GLI3: variants seen among roughly 807,000 people sequenced by gnomAD.
GLI3 encodes GLI family zinc finger 3.
GLI3 carries 20 observed loss-of-function variants against 100.8 expected under a neutral mutation model. That is an observed-to-expected ratio of 0.20 (90% confidence interval 0.14 to 0.29). The LOEUF (loss-of-function observed/expected upper bound fraction) is 0.29, where lower values mean the gene tolerates loss of function less well. Ranked by LOEUF, GLI3 falls within the 10% of genes least tolerant of loss-of-function variation. The probability of loss-of-function intolerance (pLI) is 1.00; values close to 1 mark genes in which losing one functional copy is unlikely to be tolerated. For missense variants in GLI3, 2,040 were observed against 2,128.5 expected, an observed-to-expected ratio of 0.96 and a Z score of 0.82; for synonymous variants, 938 against 860.5, an observed-to-expected ratio of 1.09 and a Z score of -1.58.
At chr7:41,971,090 C>T (rs1481855517) in intron 13 of GLI3, among the ~76,000 whole-genome samples, 2 of 152,144 alleles carry the variant, frequency 1.3e-5, no homozygotes, top group African/African-American at 4.8e-5. Context: ...CTCTCTAAGA[C>T]TCTTAAGAAT....
At chr7:42,240,328 G>A (rs1426380738), upstream of GLI3, among the ~76,000 whole-genome samples, 1 of 152,186 alleles carries the variant, frequency 6.6e-6, no homozygotes, top group Non-Finnish European at 1.5e-5. Context: ...CAGTGAAGTA[G>A]GAGATACTTG....
At chr7:42,263,546 A>G (rs1488607068) in intron 1 of GLI3, among the ~76,000 whole-genome samples, 1 of 151,900 alleles carries the variant, frequency 6.6e-6, no homozygotes, top group Non-Finnish European at 1.5e-5. Context: ...TCACATGTTC[A>G]AGCAATTCTC....
intron 10 of GLI3, among the ~76,000 whole-genome samples, chr7:41,981,876 T>A (rs1262525651): frequency 2.6e-5 from 4 of 152,194 alleles, no homozygotes; most frequent in Non-Finnish European, 5.9e-5. Context: ...CATTTCCTAT[T>A]TATACCGCAC....
At chr7:42,182,660 A>ATATATATATATACACATGTGTG (rs1554337052) in intron 2 of GLI3, among the ~76,000 whole-genome samples, 37 of 59,100 alleles carry the variant, frequency 6.3e-4, no homozygotes, top group African/African-American at 3.4e-3. Flanking sequence ...ATATATATAT[A>ATATATATATATACACATGTGTG]TATATATATA....
chr7:41,966,671 G>C lies in GLI3; in HGVS notation c.2432-30C>G. 6.2e-7 allele frequency: 1 copy of C among 1,611,924 alleles called. No homozygotes were observed. Among genetic ancestry groups the C allele is most frequent in the Non-Finnish European group, 8.5e-7 (1 of 1,178,586 alleles). On this transcript the variant is annotated intron_variant, in intron 14 of 14. Coordinates refer to ENST00000395925, the MANE Select transcript of GLI3 (RefSeq NM_000168.6). The surrounding 1 kb of genome is among the most constrained non-coding windows in gnomAD (Gnocchi z 5.8). ...AGACAGAGAAAGGGAGAGACCATGC[G>C]GAGATGAATTCCCTTCGAGCATGAC...
At chr7:42,232,684 T>C (rs984401735) in intron 1 of GLI3, among the ~76,000 whole-genome samples, 2 of 152,232 alleles carry the variant, frequency 1.3e-5, no homozygotes, top group Non-Finnish European at 2.9e-5. Context: ...CTATGCAAAA[T>C]GCAGAAGTGC....
At chr7:42,233,980 A>G (rs1424474419) in intron 1 of GLI3, among the ~76,000 whole-genome samples, 1 of 152,182 alleles carries the variant, frequency 6.6e-6, no homozygotes, top group African/African-American at 2.4e-5. Context: ...TCCAAAACAA[A>G]TCAGACCGAC....
intron 3 of GLI3, among the ~76,000 whole-genome samples, chr7:42,080,952 C>T (rs1035843032): frequency 1.1e-4 from 17 of 152,174 alleles, no homozygotes; most frequent in African/African-American, 3.6e-4. Flanking sequence ...CGCATCATAA[C>T]TCAAGCGTAT....
At chr7:42,101,837 T>TCCCCCCCC (rs538820301) in intron 3 of GLI3, among the ~76,000 whole-genome samples, 1 of 99,712 alleles carries the variant, frequency 1.0e-5, no homozygotes, top group African/African-American at 5.4e-5. Context: ...CCCTCCACCC[T>TCCCCCCCC]CTCCCACCCC....
intron 1 of GLI3, among the ~76,000 whole-genome samples, chr7:42,234,611 A>G (rs1473558892): frequency 1.3e-5 from 2 of 152,214 alleles, no homozygotes; most frequent in Non-Finnish European, 2.9e-5. Flanking sequence ...AAGGAACACA[A>G]GCATGTTAAA....
chr7:42,049,388 C>T (rs1784308479), intron 4 of GLI3, among the ~76,000 whole-genome samples: 2 of 152,176 alleles, frequency 1.3e-5, no homozygotes, highest in Admixed American at 1.3e-4. Flanking sequence ...CAACTCCTCC[C>T]CTTTGTGCAG....
Position 41,977,785 on chromosome 7 carries a change from C to T in GLI3, c.1648-63G>A, listed in dbSNP as rs768734186. On this transcript the variant is annotated intron_variant, in intron 11 of 14. Transcript: ENST00000395925. ...TGGCAACAGCAGCTTATGCCTAACA[C>T]GCCCTCCAAGTTGATGAAAAACTGA... 67 of 1,428,400 alleles carry T rather than the reference C, an allele frequency of 4.7e-5. No homozygotes were observed. The East Asian group carries it at 7.7e-4, about 16-fold the overall frequency. 88.5% of individuals were successfully genotyped at this position (1,428,400 alleles called of 1,614,324 possible).
chr7:41,966,228 C>T lies in GLI3; in HGVS notation c.2845G>A (p.Glu949Lys), dbSNP rs1472519342. 1.2e-6 allele frequency: 2 copies of T among 1,608,830 alleles called. No homozygotes were observed. The highest frequency in any genetic ancestry group is 2.2e-5 in the East Asian group (1 of 44,820). ...GPPPTPLPNMERMSLKTRLAL... is the reference protein window; with the variant it reads ...GPPPTPLPNMKRMSLKTRLAL... Reference sequence around the variant, plus strand: ...AGGCGCGTCTTCAGGCTCATCCTCTCCATGTTGGGCAGGGGCGTCGGCGGC... The same window carrying T: ...AGGCGCGTCTTCAGGCTCATCCTCTTCATGTTGGGCAGGGGCGTCGGCGGC... The change falls in exon 15 of 15, where the codon GAG becomes AAG. Residue 949 changes from glutamate (E) to lysine (K), a missense_variant. Glu to Lys is a moderately conservative substitution (Grantham distance 56). Transcript: ENST00000395925. The surrounding 1 kb of genome is among the most constrained non-coding windows in gnomAD (Gnocchi z 5.8).
chr7:42,114,889 AG>A (rs1226229658), intron 3 of GLI3, among the ~76,000 whole-genome samples: 6 of 151,692 alleles, frequency 4.0e-5, no homozygotes, highest in African/African-American at 1.5e-4. Flanking sequence ...TTTAGTAGAG[AG>A]GGGGTTTCAC....
At chr7:42,042,105 C>A (rs1360589376) in intron 6 of GLI3, among the ~76,000 whole-genome samples, 1 of 151,636 alleles carries the variant, frequency 6.6e-6, no homozygotes, top group Non-Finnish European at 1.5e-5. Context: ...CTCTGTCTCC[C>A]GAGTTCAAGC....
chr7:42,024,289 C>T (rs1789036379), intron 9 of GLI3, among the ~76,000 whole-genome samples: 1 of 152,216 alleles, frequency 6.6e-6, no homozygotes, highest in Non-Finnish European at 1.5e-5. Flanking sequence ...AATGCCAATA[C>T]AAGTCATTTT....
intron 4 of GLI3, 128 bp downstream of exon 4, chr7:42,076,624 C>A: frequency 2.8e-6 from 2 of 718,422 alleles, no homozygotes; most frequent in Non-Finnish European, 5.1e-6. Flanking sequence ...TGCTATATTT[C>A]AAAAGTAAAT....
chr7:42,120,130 G>A (rs568561632), intron 3 of GLI3, among the ~76,000 whole-genome samples: 83 of 152,258 alleles, frequency 5.5e-4, no homozygotes, highest in South Asian at 3.7e-3. Context: ...GAAAATGCTG[G>A]CGACATTTTG....
Position 42,116,890 on chromosome 7 carries a change from T to G in GLI3, c.367+31336A>C, listed in dbSNP as rs559833281. 3.9e-5 allele frequency among the ~76,000 whole-genome samples: 6 copies of G among 152,206 alleles called. No individual in the cohort carries two copies. The South Asian group carries it at 1.2e-3, about 32-fold the overall frequency. On this transcript the variant is annotated intron_variant, in intron 3 of 14. Coordinates refer to ENST00000395925, the MANE Select transcript of GLI3 (RefSeq NM_000168.6). ...GGGTGTCCTTTTCAAGTTCCTTCCCTCTCAGCTACTTACGGCAATTCTCAG... is the reference window on the plus strand; with the variant it reads ...GGGTGTCCTTTTCAAGTTCCTTCCCGCTCAGCTACTTACGGCAATTCTCAG...
Sources: allele counts gnomAD v4.1 joint callset (sites outside exome capture counted in the v4.1 genomes callset), GRCh38; gene constraint gnomAD v4.1.1; non-coding constraint Gnocchi (gnomAD v3.1); transcripts MANE v1.5; gene names NCBI Gene and HGNC (gene_info 2026-07-23, HGNC 2026-07-21).